KCNU1: variants seen among roughly 807,000 people sequenced by gnomAD.
The protein encoded by KCNU1 is potassium channel subfamily U member 1.
A neutral mutation model predicts 126.8 loss-of-function variants in KCNU1; 93 were observed. The ratio of observed to expected loss-of-function variants is 0.73; its 90% CI spans 0.62 to 0.87. KCNU1 has a LOEUF of 0.87. Ranked by LOEUF, KCNU1 falls within the 40% of genes least tolerant of loss-of-function variation. The pLI, the probability that KCNU1 is intolerant of heterozygous loss-of-function variation, is 0.00. For synonymous variants in KCNU1, 523 were observed against 494.2 expected, an observed-to-expected ratio of 1.06 and a Z score of -0.77; for missense variants, 1,330 against 1,367.1, an observed-to-expected ratio of 0.97 and a Z score of 0.43.
chr8:36,842,832 G>A (rs1472167478), intron 16 of KCNU1, among the ~76,000 whole-genome samples: 2 of 152,054 alleles, frequency 1.3e-5, no homozygotes, highest in Non-Finnish European at 2.9e-5. Flanking sequence ...ACCACACCCG[G>A]TTAATTTTTG....
intron 2 of KCNU1, among the ~76,000 whole-genome samples, chr8:36,803,820 A>G (rs1803398166): frequency 1.3e-5 from 2 of 152,126 alleles, no homozygotes; most frequent in Admixed American, 1.3e-4. Context: ...GTACATATTC[A>G]TTTTTTTAAT....
In KCNU1 at chr8:36,930,964, A is replaced by C; in HGVS notation, c.2750A>C (p.Tyr917Ser). Reference protein sequence around the residue: ...DSLLATAFYNYHVLELLQMLV... With the variant: ...DSLLATAFYNSHVLELLQMLV... Reference sequence around the variant, plus strand: ...CTTGTTTTCCAGGCCTTCTACAATTATCATGTCCTGGAATTGCTTCAGATG... The same window carrying C: ...CTTGTTTTCCAGGCCTTCTACAATTCTCATGTCCTGGAATTGCTTCAGATG... Residue 917 changes from tyrosine (Y) to serine (S), a missense_variant, in exon 25 of 27, where the codon TAT becomes TCT. Physicochemically the swap from Tyr to Ser is moderately radical, Grantham distance 144. Coordinates refer to ENST00000399881, the MANE Select transcript of KCNU1 (RefSeq NM_001031836.3). 1 of 1,606,202 alleles carries C rather than the reference A, an allele frequency of 6.2e-7. No individual in the cohort carries two copies. The highest frequency in any genetic ancestry group is 8.5e-7 in the Non-Finnish European group (1 of 1,176,270).
At chr8:36,811,803 G>T (rs1442063259) in intron 7 of KCNU1, among the ~76,000 whole-genome samples, 4 of 151,978 alleles carry the variant, frequency 2.6e-5, no homozygotes, top group Non-Finnish European at 2.9e-5. Flanking sequence ...ATGATGGCAG[G>T]TGCCTATAAA....
chr8:36,826,985 A>G (rs1247620755), intron 10 of KCNU1, among the ~76,000 whole-genome samples: 1 of 152,080 alleles, frequency 6.6e-6, no homozygotes, highest in Non-Finnish European at 1.5e-5. Context: ...CACGTCTTTG[A>G]TTTTACTGGC....
intron 19 of KCNU1, among the ~76,000 whole-genome samples, chr8:36,885,070 T>C (rs1806642926): frequency 6.6e-6 from 1 of 152,146 alleles, no homozygotes. Context: ...AGTAGGAATA[T>C]TTACATGATA....
chr8:36,927,217 G>T (rs1013475348), intron 24 of KCNU1, among the ~76,000 whole-genome samples: 9 of 152,078 alleles, frequency 5.9e-5, no homozygotes, highest in Non-Finnish European at 1.3e-4. Flanking sequence ...GACCTGTGCT[G>T]GTTTTTTCAA....
In KCNU1 at chr8:36,935,826, A is replaced by G. The variant is rs756494970; in HGVS notation, c.3356A>G (p.Gln1119Arg). ...AGAACAAACAGTATTATATCATCTC[A>G]GATACCTTTAGGTGACAATGCAAAA... ...QSRTNSIISS[Q>R]IPLGDNAKEN... The change falls in exon 27 of 27, where the codon CAG becomes CGG. Residue 1119 changes from glutamine to arginine, a missense_variant. This residue lies in a region of KCNU1 where 1,054 missense variants were observed against 1,053.9 expected (regional missense o/e 1.00). Coordinates refer to ENST00000399881, the MANE Select transcript of KCNU1 (RefSeq NM_001031836.3). The G allele has an allele frequency of 8.5e-5, 137 of 1,611,586 alleles. No homozygotes were observed. Among genetic ancestry groups the G allele is most frequent in the Admixed American group, 1.2e-4 (7 of 59,928 alleles).
chr8:36,836,062 C>T (rs914126608), intron 12 of KCNU1, among the ~76,000 whole-genome samples: 2 of 152,162 alleles, frequency 1.3e-5, no homozygotes, highest in African/African-American at 4.8e-5. Context: ...ACACAGTCTT[C>T]TAACACCAAG....
intron 19 of KCNU1, among the ~76,000 whole-genome samples, chr8:36,902,414 G>A (rs552140084): frequency 2.0e-5 from 3 of 152,058 alleles, no homozygotes; most frequent in African/African-American, 4.8e-5. Context: ...TTTATCATGA[G>A]GGTGGAGAGG....
intron 8 of KCNU1, among the ~76,000 whole-genome samples, chr8:36,815,084 A>G (rs1462306342): frequency 6.6e-6 from 1 of 152,122 alleles, no homozygotes; most frequent in Non-Finnish European, 1.5e-5. Context: ...CAATCCCAGC[A>G]TTTTGTGAGG....
intron 24 of KCNU1, among the ~76,000 whole-genome samples, chr8:36,929,222 A>C (rs1427307338): frequency 1.3e-5 from 2 of 151,956 alleles, no homozygotes; most frequent in Non-Finnish European, 2.9e-5. Flanking sequence ...TTTCTACTAA[A>C]AATACTAAAA....
intron 19 of KCNU1, among the ~76,000 whole-genome samples, chr8:36,865,326 C>A (rs1398194207): frequency 6.6e-6 from 1 of 152,074 alleles, no homozygotes; most frequent in African/African-American, 2.4e-5. Context: ...AATAAAACTA[C>A]TATATGATCC....
At chr8:36,785,964 C>T (rs902994957) in intron 1 of KCNU1, among the ~76,000 whole-genome samples, 4 of 151,992 alleles carry the variant, frequency 2.6e-5, no homozygotes, top group African/African-American at 9.7e-5. Flanking sequence ...AGAAGTGAGC[C>T]TGAGCAACCA....
chr8:36,815,756 C>A, intron 9 of KCNU1, 69 bp downstream of exon 9: 1 of 885,864 alleles, frequency 1.1e-6, no homozygotes, highest in Non-Finnish European at 1.8e-6. Context: ...TCGTTCTAGA[C>A]ATCTATTGTC....
intron 1 of KCNU1, 116 bp from the exon 2 acceptor site, chr8:36,787,190 C>T: frequency 1.1e-6 from 1 of 874,920 alleles, no homozygotes; most frequent in Non-Finnish European, 1.6e-6. Flanking sequence ...CTGGTTTGGA[C>T]AAGGTGGAGT....
At chr8:36,813,696 A>T (rs1803806233) in intron 7 of KCNU1, among the ~76,000 whole-genome samples, 1 of 151,948 alleles carries the variant, frequency 6.6e-6, no homozygotes, top group Non-Finnish European at 1.5e-5. Context: ...TGAAAAGACG[A>T]TTGTGCAAAG....
chr8:36,826,249 AC>A (rs1411679743), intron 10 of KCNU1, among the ~76,000 whole-genome samples: 1 of 151,456 alleles, frequency 6.6e-6, no homozygotes, highest in Non-Finnish European at 1.5e-5. Context: ...TTGCTCTGTC[AC>A]CCAGGCTGGA....
intron 19 of KCNU1, among the ~76,000 whole-genome samples, chr8:36,894,678 C>A (rs1000118004): frequency 6.6e-6 from 1 of 152,048 alleles, no homozygotes; most frequent in Non-Finnish European, 1.5e-5. Flanking sequence ...TAAATGGCCT[C>A]TGTGAATAGT....
At chr8:36,901,081 G>A (rs7460076) in intron 19 of KCNU1, among the ~76,000 whole-genome samples, 57,588 of 150,768 alleles carry the variant, frequency 0.38, 11,056 homozygotes, top group Admixed American at 0.43. Context: ...AAAAAAAAAA[G>A]GGAATTGTAG....
Sources: gnomAD v4.1 joint callset for allele counts (sites outside exome capture counted in the v4.1 genomes callset) on GRCh38, gnomAD v4.1.1 for gene constraint, gnomAD v4.1.1 regional missense constraint, MANE v1.5 for transcripts, NCBI Gene and HGNC (gene_info 2026-07-23, HGNC 2026-07-21) for gene names.